TBXAS1: variants seen among roughly 807,000 people sequenced by gnomAD.
TBXAS1 encodes the protein thromboxane-A synthase.
A neutral mutation model predicts 60.7 loss-of-function variants in TBXAS1; 48 were observed. The observed-to-expected ratio is 0.79, with a 90% CI of 0.63 to 1.01. The LOEUF (loss-of-function observed/expected upper bound fraction) is 1.01, where lower values mean the gene tolerates loss of function less well. TBXAS1 is among the 50% of genes least tolerant of loss of function. TBXAS1 has a pLI of 0.00. For missense variants in TBXAS1, 685 were observed against 686.3 expected (o/e 1.00, Z 0.02); for synonymous variants, 287 against 269.7 (o/e 1.06, Z -0.63).
At chr7:139,989,275 G>A (rs1184027392) in intron 9 of TBXAS1, among the ~76,000 whole-genome samples, 1 of 152,208 alleles carries the variant, frequency 6.6e-6, no homozygotes, top group African/African-American at 2.4e-5. Context: ...TCAGAGAAGA[G>A]GGGTAAGCAA....
At chr7:139,892,179 C>T (rs1803670741) in intron 3 of TBXAS1, among the ~76,000 whole-genome samples, 2 of 152,192 alleles carry the variant, frequency 1.3e-5, no homozygotes, top group African/African-American at 4.8e-5. Flanking sequence ...TTCTTAGGGT[C>T]AGCTGGCCGT....
At chr7:139,877,667 C>T (rs1802347464) in intron 3 of TBXAS1, among the ~76,000 whole-genome samples, 1 of 152,010 alleles carries the variant, frequency 6.6e-6, no homozygotes, top group South Asian at 2.1e-4. Context: ...AAGTGATCCA[C>T]CCATCTTGGC....
At chr7:139,862,177 A>T (rs1318091243) in intron 1 of TBXAS1, among the ~76,000 whole-genome samples, 1 of 152,190 alleles carries the variant, frequency 6.6e-6, no homozygotes, top group African/African-American at 2.4e-5. Context: ...GGTAAGGAGG[A>T]CTGGAGCTCA....
chr7:139,858,335 G>GT (rs371448216), intron 1 of TBXAS1, among the ~76,000 whole-genome samples: 134 of 152,122 alleles, frequency 8.8e-4, no homozygotes, highest in African/African-American at 2.9e-3. Context: ...CTTTGTTTTT[G>GT]TTTTTTTCCA....
At chr7:139,980,846 C>A (rs1811915556) in intron 9 of TBXAS1, among the ~76,000 whole-genome samples, 1 of 151,768 alleles carries the variant, frequency 6.6e-6, no homozygotes. Context: ...ACTGTCTGCA[C>A]CAGAGTGGAA....
chr7:139,883,634 A>G (rs1414064465), intron 3 of TBXAS1, among the ~76,000 whole-genome samples: 1 of 152,052 alleles, frequency 6.6e-6, no homozygotes, highest in Non-Finnish European at 1.5e-5. Context: ...CTTTCTCTCT[A>G]CTGCTTGTTA....
In TBXAS1 at chr7:139,834,847, AG is replaced by A. The variant is rs545481793; in HGVS notation, c.89+5369del. ...AATTAAAAAATTACCAACAAAAAAA[AG>A]TCCAGGACCATAAGGATTCACAGCA... On this transcript the variant is annotated intron_variant, in intron 1 of 12. Coordinates refer to ENST00000448866, the MANE Select transcript of TBXAS1 (RefSeq NM_001061.7). Among the ~76,000 whole-genome samples, 211 of 152,264 alleles carry A rather than the reference AG, an allele frequency of 1.4e-3. 1 individual carries two copies. The highest frequency in any genetic ancestry group is 4.8e-3 in the African/African-American group (201 of 41,556).
intron 3 of TBXAS1, among the ~76,000 whole-genome samples, chr7:139,892,586 C>G (rs534134250): frequency 6.6e-6 from 1 of 152,114 alleles, no homozygotes; most frequent in Non-Finnish European, 1.5e-5. Context: ...GAGTGAGACT[C>G]TGTCTCAGAA....
rs191072696 is a variant in TBXAS1, at chr7:140,018,742, A to G, written c.1527+909A>G. Among the ~76,000 whole-genome samples the G allele has an allele frequency of 3.6e-3, 548 of 152,368 alleles. 8 individuals are homozygous for G. Among genetic ancestry groups the G allele is most frequent in the Non-Finnish European group, 4.0e-3 (272 of 68,038 alleles). Reference sequence around the variant, plus strand: ...GCCTAAGGCCACACAGCAGGACTGCAGGCTTCGTGATGGCAGGGACCCAGT... The same window carrying G: ...GCCTAAGGCCACACAGCAGGACTGCGGGCTTCGTGATGGCAGGGACCCAGT... On this transcript the variant is annotated intron_variant, in intron 12 of 12. Transcript: ENST00000448866.
At chr7:139,840,850 T>C (rs558745080) in intron 1 of TBXAS1, among the ~76,000 whole-genome samples, 1 of 152,068 alleles carries the variant, frequency 6.6e-6, no homozygotes, top group African/African-American at 2.4e-5. Context: ...GCCTCGGAGG[T>C]CGTGAGTGTC....
chr7:140,007,096 C>T lies in TBXAS1; in HGVS notation c.1140C>T (p.Ala380=). Residue 380 remains alanine (A), a synonymous_variant, in exon 10 of 13, where the codon GCC becomes GCT. Coordinates refer to ENST00000448866, the MANE Select transcript of TBXAS1 (RefSeq NM_001061.7). ...EVDVFKEKHM[A]PEFCSLEEGL... ...TGTCACGACCCCTCCATCAGATGGC[C>T]CCTGAGTTCTGCAGCCTCGAGGAAG... 3.7e-6 allele frequency: 6 copies of T among 1,614,040 alleles called. No individual in the cohort carries two copies. Among genetic ancestry groups the T allele is most frequent in the South Asian group, 2.2e-5 (2 of 91,078 alleles).
At chr7:139,791,867 T>G (rs1309831735) in intron 4 of TBXAS1, among the ~76,000 whole-genome samples, 1 of 152,052 alleles carries the variant, frequency 6.6e-6, no homozygotes, top group Non-Finnish European at 1.5e-5. Context: ...AATTAAATTT[T>G]TAGGTATAAT....
Position 139,884,726 on chromosome 7 carries a change from T to A in TBXAS1, c.236+9089T>A, listed in dbSNP as rs114702225. Among the ~76,000 whole-genome samples, 337 of 152,184 alleles carry A rather than the reference T, an allele frequency of 2.2e-3. 2 individuals carry two copies. The highest frequency in any genetic ancestry group is 7.3e-3 in the African/African-American group (303 of 41,512). ...AGTCAGGCGTCCAGTAAAGCAGCGATGAGGAGGCTGTCAGTGGACACCAGG... is the reference window on the plus strand; with the variant it reads ...AGTCAGGCGTCCAGTAAAGCAGCGAAGAGGAGGCTGTCAGTGGACACCAGG... On this transcript the variant is annotated intron_variant, in intron 3 of 12. Coordinates refer to ENST00000448866, the MANE Select transcript of TBXAS1 (RefSeq NM_001061.7).
chr7:139,985,518 T>C (rs897220357), intron 9 of TBXAS1, among the ~76,000 whole-genome samples: 1 of 152,208 alleles, frequency 6.6e-6, no homozygotes, highest in Non-Finnish European at 1.5e-5. Context: ...TTATCTCAAT[T>C]ATTGTAACCC....
intron 9 of TBXAS1, among the ~76,000 whole-genome samples, chr7:139,976,465 G>A (rs906006021): frequency 1.3e-5 from 2 of 152,188 alleles, no homozygotes; most frequent in Non-Finnish European, 2.9e-5. Flanking sequence ...TTTGAATGGG[G>A]AATCAACTCA....
chr7:139,781,094 G>A (rs756286063), intron 2 of TBXAS1, among the ~76,000 whole-genome samples: 2 of 152,240 alleles, frequency 1.3e-5, no homozygotes, highest in African/African-American at 2.4e-5. Context: ...ACAAGATGGA[G>A]CCATACAGAC....
intron 9 of TBXAS1, among the ~76,000 whole-genome samples, chr7:139,973,757 C>T (rs991630491): frequency 2.0e-5 from 3 of 151,986 alleles, no homozygotes; most frequent in African/African-American, 4.8e-5. Context: ...TAGATTGGGT[C>T]GCTAGGACAC....
At chr7:140,010,259 T>C (rs972053719) in intron 10 of TBXAS1, among the ~76,000 whole-genome samples, 5 of 152,292 alleles carry the variant, frequency 3.3e-5, no homozygotes, top group Admixed American at 2.6e-4. Context: ...GGGGTGAATG[T>C]AGGGAGAGTG....
In TBXAS1 at chr7:140,011,951, C is replaced by T. The variant is rs149737097; in HGVS notation, c.1227-3772C>T. Among the ~76,000 whole-genome samples the T allele has an allele frequency of 3.1e-3, 470 of 152,336 alleles. 12 individuals are homozygous for T. Among genetic ancestry groups the T allele is most frequent in the Admixed American group, 0.024 (365 of 15,298 alleles). ...TTCCAATATTCCAGAATTATCATGG[C>T]ATTTGATGGACGGTTTGAGCCTGTC... On this transcript the variant is annotated intron_variant, in intron 10 of 12. Coordinates refer to ENST00000448866, the MANE Select transcript of TBXAS1 (RefSeq NM_001061.7).
Sources: gnomAD v4.1 joint callset for allele counts (sites outside exome capture counted in the v4.1 genomes callset) on GRCh38, gnomAD v4.1.1 for gene constraint, MANE v1.5 for transcripts, NCBI Gene and HGNC (gene_info 2026-07-23, HGNC 2026-07-21) for gene names.